The following DKKL1 variants were observed in gnomAD, a reference collection of about 807,000 sequenced individuals.
The protein encoded by DKKL1 is dickkopf like acrosomal protein 1.
A neutral mutation model predicts 16.5 loss-of-function variants in DKKL1; 11 were observed. That is an observed-to-expected ratio of 0.67 (90% CI 0.42 to 1.10). The LOEUF (loss-of-function observed/expected upper bound fraction) is 1.10. Among genes scored for constraint, DKKL1 ranks in the 50% least tolerant of loss-of-function variants. DKKL1 has a pLI of 0.00. For missense variants in DKKL1, 320 were observed against 308.1 expected, an observed-to-expected ratio of 1.04 and a Z score of -0.29; for synonymous variants, 119 against 133.2, an observed-to-expected ratio of 0.89 and a Z score of 0.73.
At chr19:49,366,664 G>C (rs1430077518) in intron 4 of DKKL1, among the ~76,000 whole-genome samples, 1 of 149,716 alleles carries the variant, frequency 6.7e-6, no homozygotes, top group African/African-American at 2.5e-5. Context: ...AAATGTTTTT[G>C]TTGTTATTGT....
chr19:49,374,791 T>C lies in DKKL1; in HGVS notation c.492T>C (p.His164=). The C allele has an allele frequency of 6.2e-7, 1 of 1,611,416 alleles. No homozygotes were observed. Among genetic ancestry groups the C allele is most frequent in the Non-Finnish European group, 8.5e-7 (1 of 1,178,484 alleles). ...KATDSFHTEL[H]PRVAFWIIKL... is the part of the protein sequence containing the mutation. ...CGGACAGCTTCCACACAGAACTCCA[T>C]CCCCGGGTGGCCTTCTGGATCATTA... Residue 164 remains histidine, a synonymous_variant, in exon 5 of 5, where the codon CAT becomes CAC. Coordinates refer to ENST00000221498, the MANE Select transcript of DKKL1 (RefSeq NM_014419.4).
chr19:49,364,102 C>T (rs1973143011), intron 1 of DKKL1, 94 bp downstream of exon 1: 1 of 1,524,522 alleles, frequency 6.6e-7, no homozygotes, highest in South Asian at 1.2e-5. Context: ...GCAATCCCAA[C>T]ACTTTGGGAG....
chr19:49,364,790 G>A (rs1418364542), intron 2 of DKKL1, 36 bp downstream of exon 2: 3 of 1,598,768 alleles, frequency 1.9e-6, no homozygotes, highest in South Asian at 1.1e-5. Context: ...AAGAAGTACT[G>A]AGAAGAGGTT....
chr19:49,362,209 A>C (rs1244461906), upstream of DKKL1: 1 of 152,602 alleles, frequency 6.6e-6, no homozygotes, highest in East Asian at 1.9e-4. Context: ...CTCCTCACTG[A>C]GGCTCGGTCA....
At position 49,374,927 on chromosome 19, in the gene DKKL1, A is replaced by G. The variant is rs1468325774; in HGVS notation, c.628A>G (p.Lys210Glu). 1.2e-6 allele frequency: 2 copies of G among 1,613,876 alleles called. No homozygotes were observed. The highest frequency in any genetic ancestry group is 2.2e-5 in the East Asian group (1 of 44,872). Residue 210 changes from lysine (K) to glutamate (E), a missense_variant, in exon 5 of 5, where the codon AAG becomes GAG. Lys to Glu is a moderately conservative substitution (Grantham distance 56). Coordinates refer to ENST00000221498, the MANE Select transcript of DKKL1 (RefSeq NM_014419.4). ...GGATGGACTCCGCAAGGGGACCCAC[A>G]AGGACGTCCTAGAAGAGGGGACCGA... ...IRDGLRKGTH[K>E]DVLEEGTESS...
At chr19:49,369,711 AAGG>A (rs1416549086) in intron 4 of DKKL1, 1 of 152,882 alleles carries the variant, frequency 6.5e-6, no homozygotes, top group Non-Finnish European at 1.5e-5. Context: ...GGAGAAAGTG[AAGG>A]AGGAGTCACC....
intron 4 of DKKL1, among the ~76,000 whole-genome samples, chr19:49,366,714 T>G (rs1358372489): frequency 4.6e-4 from 13 of 28,542 alleles, no homozygotes; most frequent in South Asian, 2.9e-3. Context: ...GTTTTTTTGG[T>G]TTTTTTTTTT....
chr19:49,374,664 A>T (rs144474309), intron 4 of DKKL1, 53 bp from the exon 5 acceptor site: 2 of 1,498,822 alleles, frequency 1.3e-6, no homozygotes, highest in African/African-American at 2.8e-5. Flanking sequence ...GGGACTGACC[A>T]TCCTGGGGTG....
At chr19:49,363,733 CGAA>C, upstream of DKKL1, 1 of 551,288 alleles carries the variant, frequency 1.8e-6, no homozygotes, top group South Asian at 1.9e-5. Flanking sequence ...GTGTGGTGAA[CGAA>C]GGATGGGGCG....
At chr19:49,368,313 CAAA>C (rs545751415) in intron 4 of DKKL1, among the ~76,000 whole-genome samples, 4 of 97,998 alleles carry the variant, frequency 4.1e-5, no homozygotes, top group Admixed American at 2.2e-4. Context: ...ACTCTGTCTC[CAAA>C]AAAAAAAAAA....
At chr19:49,365,382 G>C (rs917056827) in intron 2 of DKKL1, 127 bp from the exon 3 acceptor site, 2 of 1,179,918 alleles carry the variant, frequency 1.7e-6, no homozygotes, top group African/African-American at 1.6e-5. Flanking sequence ...GTATCAGAGG[G>C]CAGAAAGTAA....
At chr19:49,363,593 G>T (rs1021332392), upstream of DKKL1, 8 of 332,300 alleles carry the variant, frequency 2.4e-5, no homozygotes, top group Admixed American at 8.6e-5. Context: ...ACTCCGAAAC[G>T]AGGGCCGCAA....
At chr19:49,372,332 G>A (rs550076630) in intron 4 of DKKL1, among the ~76,000 whole-genome samples, 1 of 151,576 alleles carries the variant, frequency 6.6e-6, no homozygotes, top group Non-Finnish European at 1.5e-5. Context: ...AGGCAGAGAC[G>A]GGCGGATCAT....
intron 1 of DKKL1, 50 bp downstream of exon 1, chr19:49,364,058 C>T (rs1973139753): frequency 6.2e-7 from 1 of 1,608,380 alleles, no homozygotes; most frequent in African/African-American, 1.3e-5. Flanking sequence ...AGGAAAAGAC[C>T]ATTGGATGAG....
rs1197865085 is a variant in DKKL1 at position 49,368,543 on chromosome 19, T to A, written c.417+2658T>A. Among the ~76,000 whole-genome samples, 5 of 148,482 alleles carry A rather than the reference T, an allele frequency of 3.4e-5. 1 individual carries two copies. Among genetic ancestry groups the A allele is most frequent in the African/African-American group, 5.3e-5 (2 of 38,042 alleles). ...TTCAAGACTACAGAAAAGTTTTTTT[T>A]AAAAAACATACTTTATTATTTTGGA... is the stretch of plus-strand genomic sequence containing the variant. On this transcript the variant is annotated intron_variant, in intron 4 of 4. Coordinates refer to ENST00000221498, the MANE Select transcript of DKKL1 (RefSeq NM_014419.4).
chr19:49,364,441 A>G lies in DKKL1; in HGVS notation c.11-141A>G, dbSNP rs1973170086. 26 of 672,052 alleles carry G rather than the reference A, an allele frequency of 3.9e-5. No individual in the cohort carries two copies. The South Asian group carries it at 4.1e-4, about 11-fold the overall frequency. The allele number at this position is 672,052 out of a possible 1,614,324, so 41.6% of individuals were successfully genotyped here. ...GGCAAGGTGGAGGGTGTGGGAGTAGAAGAAAGAAGCAGTGGGGGAAATGAG... is the reference window on the plus strand; with the variant it reads ...GGCAAGGTGGAGGGTGTGGGAGTAGGAGAAAGAAGCAGTGGGGGAAATGAG... On this transcript the variant is annotated intron_variant, in intron 1 of 4. Transcript: ENST00000221498.
At chr19:49,364,796 A>G (rs1360091737) in intron 2 of DKKL1, 42 bp downstream of exon 2, 2 of 1,591,374 alleles carry the variant, frequency 1.3e-6, no homozygotes, top group South Asian at 1.2e-5. Flanking sequence ...TACTGAGAAG[A>G]GGTTCAGGGA....
In DKKL1 at chr19:49,365,782, G is replaced by A. The variant is rs773314827; in HGVS notation, c.325-11G>A. ...CAGGTTTGCTCTCACTCTCTCATCG[G>A]ATCCTCACAGATGACCGACAACAAG... On this transcript the variant is annotated splice_polypyrimidine_tract_variant and intron_variant, in intron 3 of 4. Transcript: ENST00000221498. 6.2e-7 allele frequency: 1 copy of A among 1,613,248 alleles called. No homozygotes were observed. Among genetic ancestry groups the A allele is most frequent in the African/African-American group, 1.3e-5 (1 of 74,894 alleles).
At chr19:49,370,474 A>G (rs1211956970) in intron 4 of DKKL1, 3 of 151,180 alleles carry the variant, frequency 2.0e-5, no homozygotes, top group Non-Finnish European at 4.4e-5. Context: ...AGGCTGATGA[A>G]TTCACCAAGG....
Sources: allele counts gnomAD v4.1 joint callset (sites outside exome capture counted in the v4.1 genomes callset), GRCh38; gene constraint gnomAD v4.1.1; transcripts MANE v1.5; gene names NCBI Gene and HGNC (gene_info 2026-07-23, HGNC 2026-07-21).